The following SAMD3 variants were observed in gnomAD, a reference collection of about 807,000 sequenced individuals.
SAMD3 encodes sterile alpha motif domain-containing protein 3.
A neutral mutation model predicts 58.5 loss-of-function variants in SAMD3; 63 were observed. That is an observed-to-expected ratio of 1.08 (90% CI 0.88 to 1.33). The LOEUF is 1.33. Among genes scored for constraint, SAMD3 ranks in the 40% most tolerant of loss-of-function variants. The pLI is 0.00. For synonymous variants in SAMD3, 220 were observed against 210.3 expected, an observed-to-expected ratio of 1.05 and a Z score of -0.40; for missense variants, 604 against 608.4, an observed-to-expected ratio of 0.99 and a Z score of 0.08.
intron 2 of SAMD3, among the ~76,000 whole-genome samples, chr6:130,251,874 A>G (rs1235962118): frequency 6.6e-5 from 10 of 152,144 alleles, no homozygotes; most frequent in Non-Finnish European, 2.9e-5. Context: ...TAAGAAAATA[A>G]TACAGAATAA....
chr6:130,355,201 A>G (rs1458549911), intron 1 of SAMD3, among the ~76,000 whole-genome samples: 1 of 152,178 alleles, frequency 6.6e-6, no homozygotes, highest in East Asian at 1.9e-4. Context: ...AGGCAGGTGG[A>G]TCACCTGAGG....
chr6:130,149,315 G>A (rs1240823424), intron 9 of SAMD3, among the ~76,000 whole-genome samples: 1 of 152,178 alleles, frequency 6.6e-6, no homozygotes, highest in African/African-American at 2.4e-5. Context: ...AAAGCCGTTT[G>A]GAGATTTCTC....
At chr6:130,147,192 G>T (rs1788716022) in intron 9 of SAMD3, among the ~76,000 whole-genome samples, 1 of 152,086 alleles carries the variant, frequency 6.6e-6, no homozygotes, top group Admixed American at 6.5e-5. Context: ...AATTAATTTA[G>T]TCATTGCTTT....
At chr6:130,350,970 TG>T (rs1777638976) in intron 1 of SAMD3, among the ~76,000 whole-genome samples, 1 of 152,088 alleles carries the variant, frequency 6.6e-6, no homozygotes, top group Non-Finnish European at 1.5e-5. Context: ...AACCAAGCAA[TG>T]GGGAAAGCAT....
At chr6:130,167,343 G>T (rs35081495) in intron 8 of SAMD3, among the ~76,000 whole-genome samples, 45 of 152,202 alleles carry the variant, frequency 3.0e-4, no homozygotes, top group Non-Finnish European at 5.9e-4. Context: ...GATAGAAATG[G>T]GGACAGAAAG....
At position 130,154,857 on chromosome 6, in the gene SAMD3, T is replaced by C; in HGVS notation, c.991A>G (p.Lys331Glu). 8 of 1,613,064 alleles carry C rather than the reference T, an allele frequency of 5.0e-6. No individual in the cohort carries two copies. The highest frequency in any genetic ancestry group is 6.8e-6 in the Non-Finnish European group (8 of 1,179,664). Residue 331 changes from lysine to glutamate, a missense_variant, in exon 9 of 12, where the codon AAA (lysine) becomes GAA (glutamate). Physicochemically the swap from Lys to Glu is moderately conservative, Grantham distance 56. Coordinates refer to ENST00000439090, the MANE Select transcript of SAMD3 (RefSeq NM_001017373.4). The stretch of plus-strand genomic sequence containing the variant: ...GGGCACTTCAAGAAAGGAAACAGTT[T>C]AAGAATGTCCTTCAGAGGTGTTCGG... ...GSRTPLKDIL[K>E]LFPFLKCPYQ...
intron 5 of SAMD3, among the ~76,000 whole-genome samples, chr6:130,189,582 C>T (rs1407264171): frequency 6.6e-6 from 1 of 152,124 alleles, no homozygotes; most frequent in Non-Finnish European, 1.5e-5. Context: ...TCATTTTTCA[C>T]TCCTAAGTGT....
intron 1 of SAMD3, among the ~76,000 whole-genome samples, chr6:130,317,577 T>TA (rs1776424168): frequency 6.6e-6 from 1 of 152,214 alleles, no homozygotes; most frequent in Non-Finnish European, 1.5e-5. Flanking sequence ...TATTTGGACT[T>TA]AAAGGATGAG....
chr6:130,350,649 A>G (rs1777623602), intron 1 of SAMD3, among the ~76,000 whole-genome samples: 1 of 152,232 alleles, frequency 6.6e-6, no homozygotes, highest in South Asian at 2.1e-4. Flanking sequence ...CATACTGCCC[A>G]AGGTAATTTA....
intron 5 of SAMD3, among the ~76,000 whole-genome samples, chr6:130,195,267 C>T (rs34209761): frequency 0.36 from 54,385 of 151,832 alleles, 10,515 homozygotes; most frequent in African/African-American, 0.48. Context: ...CCTTGGTGAC[C>T]GATTATGCAC....
chr6:130,348,821 G>C lies in SAMD3; in HGVS notation c.-304+16299C>G, dbSNP rs1205390738. Among the ~76,000 whole-genome samples, 5 of 152,142 alleles carry C rather than the reference G, an allele frequency of 3.3e-5. No homozygotes were observed. The South Asian group carries it at 6.2e-4, about 19-fold the overall frequency. ...CACCTATTCCAAAATTGACCACATA[G>C]TTGGAAGTAAAGCACTCCTCAGCAA... On this transcript the variant is annotated intron_variant, in intron 1 of 13. Coordinates refer to the SAMD3 transcript ENST00000368134.
At chr6:130,204,222 A>C (rs1794876778) in intron 5 of SAMD3, among the ~76,000 whole-genome samples, 1 of 152,186 alleles carries the variant, frequency 6.6e-6, no homozygotes, top group African/African-American at 2.4e-5. Context: ...ATCTACTTTC[A>C]TGCCTTATTA....
chr6:130,259,579 C>T (rs958450540), intron 2 of SAMD3, among the ~76,000 whole-genome samples: 1 of 152,178 alleles, frequency 6.6e-6, no homozygotes, highest in East Asian at 1.9e-4. Flanking sequence ...CATAGAAACA[C>T]ATAAATGATC....
intron 1 of SAMD3, among the ~76,000 whole-genome samples, chr6:130,356,584 T>C (rs1777835355): frequency 1.3e-5 from 2 of 152,222 alleles, no homozygotes; most frequent in Non-Finnish European, 1.5e-5. Context: ...AAGACTATGG[T>C]CTGGAACATA....
chr6:130,278,740 C>G (rs1418087737), intron 2 of SAMD3, among the ~76,000 whole-genome samples: 14 of 152,128 alleles, frequency 9.2e-5, no homozygotes, highest in Non-Finnish European at 2.1e-4. Flanking sequence ...CTGGCTTTAA[C>G]TATTCATATT....
chr6:130,362,477 G>C (rs1334205400), intron 1 of SAMD3, among the ~76,000 whole-genome samples: 1 of 152,170 alleles, frequency 6.6e-6, no homozygotes. Flanking sequence ...AACAAAAACA[G>C]TCAAAATCTT....
intron 2 of SAMD3, among the ~76,000 whole-genome samples, chr6:130,233,848 T>C (rs1162616334): frequency 6.6e-6 from 1 of 152,222 alleles, no homozygotes; most frequent in Non-Finnish European, 1.5e-5. Context: ...ATGAAATTAC[T>C]TCCTTTTAAA....
rs139883637 is a variant in SAMD3 at position 130,200,513 on chromosome 6, C to A, written c.383+8982G>T. On this transcript the variant is annotated intron_variant, in intron 5 of 11. Transcript: ENST00000439090. ...GCAGTGAGCCGAGATCACACCACTGCACTCCAGCCAGGGCAATGGAGCCAG... is the reference window on the plus strand; with the variant it reads ...GCAGTGAGCCGAGATCACACCACTGAACTCCAGCCAGGGCAATGGAGCCAG... Among the ~76,000 whole-genome samples the A allele has an allele frequency of 3.4e-4, 48 of 142,606 alleles. No individual in the cohort carries two copies. The East Asian group carries it at 9.5e-3, about 28-fold the overall frequency. The allele number at this position is 142,606 out of a possible 152,430, so 93.6% of individuals were successfully genotyped here. A position where few individuals can be genotyped will look rare whatever the true frequency, so the allele number is the denominator to read the frequency against.
At chr6:130,289,000 G>T (rs775399788) in intron 2 of SAMD3, among the ~76,000 whole-genome samples, 1 of 152,144 alleles carries the variant, frequency 6.6e-6, no homozygotes, top group African/African-American at 2.4e-5. Context: ...CTTATTTCAT[G>T]GATTAGACCT....
Sources: allele counts gnomAD v4.1 joint callset (sites outside exome capture counted in the v4.1 genomes callset), GRCh38; gene constraint gnomAD v4.1.1; transcripts MANE v1.5; gene names NCBI Gene and HGNC (gene_info 2026-07-23, HGNC 2026-07-21).